The following SULF1 variants were observed in gnomAD, a reference collection of about 807,000 sequenced individuals.
The protein encoded by SULF1 is sulfatase 1.
In SULF1, 46 loss-of-function variants were observed where a neutral mutation model predicts 110.5. The observed-to-expected ratio is 0.42, with a 90% CI of 0.33 to 0.53. The LOEUF is 0.53. Ranked by LOEUF, SULF1 falls within the 20% of genes least tolerant of loss-of-function variation. The pLI is 0.12. For missense variants in SULF1, 941 were observed against 1,094.2 expected (o/e 0.86, Z 1.98); for synonymous variants, 371 against 387.1 (o/e 0.96, Z 0.49).
chr8:69,573,935 A>G (rs1010291708), intron 5 of SULF1, among the ~76,000 whole-genome samples: 3 of 152,176 alleles, frequency 2.0e-5, no homozygotes, highest in Non-Finnish European at 4.4e-5. Flanking sequence ...GCATCACCAC[A>G]TCACTTGGGT....
intron 1 of SULF1, among the ~76,000 whole-genome samples, chr8:69,486,393 C>A (rs139309857): frequency 1.3e-5 from 2 of 151,206 alleles, no homozygotes; most frequent in African/African-American, 4.9e-5. Flanking sequence ...AAAATTCATG[C>A]GTTTTCTCAA....
At chr8:69,527,845 A>G (rs1363883343) in intron 3 of SULF1, among the ~76,000 whole-genome samples, 4 of 152,128 alleles carry the variant, frequency 2.6e-5, no homozygotes, top group African/African-American at 9.7e-5. Context: ...TGATGTTTAA[A>G]TAACCAAATT....
chr8:69,592,929 G>A, intron 8 of SULF1: 1 of 987,370 alleles, frequency 1.0e-6, no homozygotes, highest in Non-Finnish European at 1.2e-6. Context: ...GAACAGACAG[G>A]GTAAGGACCA....
At position 69,603,234 on chromosome 8, in the gene SULF1, CCTGG is replaced by C; in HGVS notation, c.1105_1108del (p.Leu369IlefsTer43). 1.2e-6 allele frequency: 2 copies of C among 1,614,172 alleles called. No individual in the cohort carries two copies. The highest frequency in any genetic ancestry group is 1.7e-6 in the Non-Finnish European group (2 of 1,180,028). ...TCAACATTGACTTGGCCCCCACGAT[CCTGG>C]ATATTGCTGGGCTCGACACACCTCC... is the stretch of plus-strand genomic sequence containing the variant. On this transcript the variant is annotated frameshift_variant, in exon 11 of 23. Transcript: ENST00000402687. LOFTEE classifies it high-confidence loss of function.
chr8:69,586,349 C>T lies in SULF1; in HGVS notation c.413-8C>T. The stretch of plus-strand genomic sequence containing the variant: ...CGTGAAAAAAATAATTCTTTTTTCC[C>T]ACTGCAGCCTTTTTTGGAAAATACC... On this transcript the variant is annotated splice_region_variant and splice_polypyrimidine_tract_variant and intron_variant, in intron 6 of 22. Coordinates refer to ENST00000402687, the MANE Select transcript of SULF1 (RefSeq NM_001128205.2). 5 of 1,539,566 alleles carry T rather than the reference C, an allele frequency of 3.2e-6. No individual in the cohort carries two copies. The highest frequency in any genetic ancestry group is 2.4e-5 in the East Asian group (1 of 42,364).
intron 7 of SULF1, among the ~76,000 whole-genome samples, chr8:69,588,242 A>G (rs1174218160): frequency 1.3e-5 from 2 of 152,024 alleles, no homozygotes; most frequent in Non-Finnish European, 1.5e-5. Flanking sequence ...GGGTTAAGTC[A>G]TTTTATTAGC....
intron 1 of SULF1, chr8:69,466,998 A>G (rs1345312716): frequency 6.6e-6 from 1 of 152,098 alleles, no homozygotes; most frequent in Non-Finnish European, 1.5e-5. Flanking sequence ...CTCTTTTAGC[A>G]TAGTTTTGAA....
intron 15 of SULF1, chr8:69,626,005 G>A (rs1809985191): frequency 6.6e-6 from 1 of 152,266 alleles, no homozygotes; most frequent in Non-Finnish European, 1.5e-5. Context: ...GGCCCCACCA[G>A]AGCAGCTAGA....
intron 3 of SULF1, among the ~76,000 whole-genome samples, chr8:69,518,831 A>G (rs769617238): frequency 6.6e-6 from 1 of 152,212 alleles, no homozygotes; most frequent in Non-Finnish European, 1.5e-5. Flanking sequence ...CTTACTCTAC[A>G]TATCTGTAGC....
intron 5 of SULF1, among the ~76,000 whole-genome samples, chr8:69,569,406 C>A (rs1277694334): frequency 6.6e-6 from 1 of 151,996 alleles, no homozygotes; most frequent in East Asian, 1.9e-4. Flanking sequence ...CTTGAAAATT[C>A]AAAAAATGAA....
At chr8:69,600,466 G>A in intron 8 of SULF1, 137 bp from the exon 9 acceptor site, 1 of 768,220 alleles carries the variant, frequency 1.3e-6, no homozygotes, top group Non-Finnish European at 2.0e-6. Context: ...AATGCAAACA[G>A]AAGATAGTTG....
chr8:69,475,728 T>G (rs1384770685), intron 1 of SULF1, among the ~76,000 whole-genome samples: 2 of 152,188 alleles, frequency 1.3e-5, no homozygotes, highest in Non-Finnish European at 2.9e-5. Flanking sequence ...TGCAAACATA[T>G]GTAAATATAT....
intron 1 of SULF1, among the ~76,000 whole-genome samples, chr8:69,494,907 A>G (rs907401783): frequency 3.9e-4 from 58 of 150,342 alleles, no homozygotes; most frequent in African/African-American, 1.4e-3. Context: ...AAAAAGAGAG[A>G]GACTATTGTA....
chr8:69,564,159 G>A lies in SULF1; in HGVS notation c.172+12G>A. The stretch of plus-strand genomic sequence containing the variant: ...AGATGTGGAGCTGGGTGAGACACTG[G>A]ACTCTTCACTTGTTAGTCTCTTTTG... On this transcript the variant is annotated intron_variant, in intron 5 of 22. Transcript: ENST00000402687. The A allele has an allele frequency of 6.2e-7, 1 of 1,613,726 alleles. No homozygotes were observed. Among genetic ancestry groups the A allele is most frequent in the Non-Finnish European group, 8.5e-7 (1 of 1,179,722 alleles).
Position 69,588,924 on chromosome 8 carries a change from G to A in SULF1, c.565-48G>A, listed in dbSNP as rs79927478. The A allele has an allele frequency of 2.4e-4, 383 of 1,571,566 alleles. 1 individual carries two copies. In the African/African-American group the frequency reaches 4.8e-3, roughly 20 times the overall value. On this transcript the variant is annotated intron_variant, in intron 7 of 22. Transcript: ENST00000402687. ...AGCAGTTATTCAAATGCGATCTGAT[G>A]AATGTCACCTTTTGTAATTTTTGTT...
At chr8:69,470,774 T>G (rs982438480) in intron 1 of SULF1, among the ~76,000 whole-genome samples, 2 of 152,226 alleles carry the variant, frequency 1.3e-5, no homozygotes, top group Non-Finnish European at 2.9e-5. Flanking sequence ...TCTAATGTGC[T>G]GGCCTTCTAT....
chr8:69,563,038 T>G (rs968228199), intron 3 of SULF1: 1 of 152,228 alleles, frequency 6.6e-6, no homozygotes, highest in Non-Finnish European at 1.5e-5. Context: ...CTATGAAGTC[T>G]TTGTCAGCAG....
chr8:69,634,844 G>C lies in SULF1; in HGVS notation c.2285-3658G>C, dbSNP rs889693154. 2.0e-5 allele frequency among the ~76,000 whole-genome samples: 3 copies of C among 151,452 alleles called. No homozygotes were observed. The East Asian group carries it at 5.8e-4, about 29-fold the overall frequency. ...CTTTTTGAGATGGAGTTTCACTCTT[G>C]ACCCCCAGGCTGGAGTGCAATGGTG... is the stretch of plus-strand genomic sequence containing the variant. On this transcript the variant is annotated intron_variant, in intron 19 of 22. Coordinates refer to ENST00000402687, the MANE Select transcript of SULF1 (RefSeq NM_001128205.2).
chr8:69,489,836 G>A (rs567078652), upstream of SULF1, among the ~76,000 whole-genome samples: 14 of 151,974 alleles, frequency 9.2e-5, no homozygotes, highest in Admixed American at 7.2e-4. Flanking sequence ...GAGCCACTGC[G>A]CCCGGCCCCC....
Sources: gnomAD v4.1 joint callset for allele counts (sites outside exome capture counted in the v4.1 genomes callset) on GRCh38, gnomAD v4.1.1 for gene constraint, MANE v1.5 for transcripts, NCBI Gene and HGNC (gene_info 2026-07-23, HGNC 2026-07-21) for gene names.